The following SH3D19 variants were observed in gnomAD, a reference collection of about 807,000 sequenced individuals.
SH3D19 encodes the protein SH3 domain containing 19.
Under a neutral mutation model 112.1 loss-of-function variants are expected in SH3D19, and 58 were observed. The ratio of observed to expected loss-of-function variants is 0.52; its 90% confidence interval spans 0.42 to 0.64. The LOEUF is 0.64. Among genes scored for constraint, SH3D19 ranks in the 30% least tolerant of loss-of-function variants. The pLI is 0.00. For synonymous variants in SH3D19, 391 were observed against 448.5 expected, an observed-to-expected ratio of 0.87 and a Z score of 1.62; for missense variants, 1,090 against 1,263.4, an observed-to-expected ratio of 0.86 and a Z score of 2.08.
chr4:151,171,673 T>C (rs1759096031), intron 7 of SH3D19, among the ~76,000 whole-genome samples: 1 of 152,222 alleles, frequency 6.6e-6, no homozygotes, highest in Admixed American at 6.5e-5. Flanking sequence ...TCTAATAATA[T>C]GCTTGTCATC....
chr4:151,302,162 A>G (rs1728487281), intron 1 of SH3D19, among the ~76,000 whole-genome samples: 1 of 152,214 alleles, frequency 6.6e-6, no homozygotes. Flanking sequence ...GTCACTTCTG[A>G]GCATCGTTAT....
intron 1 of SH3D19, among the ~76,000 whole-genome samples, chr4:151,250,678 C>G (rs554088307): frequency 6.6e-6 from 1 of 152,280 alleles, no homozygotes; most frequent in Admixed American, 6.5e-5. Context: ...TTATGCCCAG[C>G]AGGCACCAGA....
intron 1 of SH3D19, among the ~76,000 whole-genome samples, chr4:151,229,874 C>T (rs1472224793): frequency 6.6e-6 from 1 of 152,154 alleles, no homozygotes; most frequent in Non-Finnish European, 1.5e-5. Flanking sequence ...AAAATCACGC[C>T]ACTGCATTCC....
chr4:151,124,011 C>A (rs986382947), intron 19 of SH3D19, among the ~76,000 whole-genome samples: 1 of 152,042 alleles, frequency 6.6e-6, no homozygotes, highest in Admixed American at 6.6e-5. Flanking sequence ...TAAATAAGTT[C>A]CTTCTGGTTC....
intron 4 of SH3D19, among the ~76,000 whole-genome samples, chr4:151,178,333 C>T (rs1267587267): frequency 1.3e-5 from 2 of 152,172 alleles, no homozygotes; most frequent in African/African-American, 4.8e-5. Flanking sequence ...ACCTGCTCTG[C>T]CTTTCTCTAG....
Position 151,175,418 on chromosome 4 carries a change from T to C in SH3D19, c.786A>G (p.Pro262=), listed in dbSNP as rs1238650646. 1.9e-6 allele frequency: 3 copies of C among 1,538,994 alleles called. No homozygotes were observed. The highest frequency in any genetic ancestry group is 1.7e-6 in the Non-Finnish European group (2 of 1,146,360). ...TGTCCAGCAGAGACTGGGGCCGGCC[T>C]GGGGATGACTCCTCTCCTACGGCTG... ...SPAAVGEESS[P]GRPQSLLDNA... The change falls in exon 7 of 20, where the codon CCA becomes CCG. Residue 262 remains proline, a synonymous_variant. Coordinates refer to ENST00000604030, the MANE Select transcript of SH3D19 (RefSeq NM_001378122.1).
chr4:151,301,744 T>A (rs1236979713), intron 1 of SH3D19, among the ~76,000 whole-genome samples: 2 of 152,122 alleles, frequency 1.3e-5, no homozygotes, highest in Admixed American at 1.3e-4. Flanking sequence ...TATTTCTGTA[T>A]AACAGGGTGA....
chr4:151,312,858 A>C (rs1442060422), intron 1 of SH3D19, among the ~76,000 whole-genome samples: 2 of 151,052 alleles, frequency 1.3e-5, no homozygotes, highest in Non-Finnish European at 3.0e-5. Flanking sequence ...CCAAGATTGC[A>C]CCACTGCACT....
intron 4 of SH3D19, among the ~76,000 whole-genome samples, chr4:151,179,057 C>A (rs139059374): frequency 6.6e-6 from 1 of 152,190 alleles, no homozygotes. Flanking sequence ...GCATGAGGTA[C>A]AAAGCATTTC....
At chr4:151,153,308 C>G (rs146921049) in intron 9 of SH3D19, among the ~76,000 whole-genome samples, 3 of 151,926 alleles carry the variant, frequency 2.0e-5, no homozygotes, top group African/African-American at 7.3e-5. Context: ...AGTACAGTGG[C>G]GCGATCTCGG....
At position 151,171,390 on chromosome 4, in the gene SH3D19, A is replaced by C. The variant is rs59616944; in HGVS notation, c.1534+3280T>G. Among the ~76,000 whole-genome samples, 373 of 152,330 alleles carry C rather than the reference A, an allele frequency of 2.4e-3. 1 individual carries two copies. The highest frequency in any genetic ancestry group is 8.7e-3 in the African/African-American group (361 of 41,584). On this transcript the variant is annotated intron_variant, in intron 7 of 19. Transcript: ENST00000604030. ...TGCTTCTACAGAAAAACAAAAAACA[A>C]AAAACACGGAGCATCTTAAGAAGAA...
At chr4:151,179,289 C>T in intron 4 of SH3D19, 66 bp downstream of exon 4, 1 of 895,322 alleles carries the variant, frequency 1.1e-6, no homozygotes, top group Non-Finnish European at 1.5e-6. Context: ...TAATTTGCTA[C>T]CTGATAACAC....
rs370345027 is a variant in SH3D19 at position 151,260,583 on chromosome 4, A to G, written c.113-34497T>C. Among the ~76,000 whole-genome samples, 34 of 152,332 alleles carry G rather than the reference A, an allele frequency of 2.2e-4. No individual in the cohort carries two copies. The East Asian group carries it at 6.6e-3, about 29-fold the overall frequency. On this transcript the variant is annotated intron_variant, in intron 1 of 19. Coordinates refer to ENST00000604030, the MANE Select transcript of SH3D19 (RefSeq NM_001378122.1). ...TAGTATAATAGGTTTTACTACCTTC[A>G]ATACACACCAAAAAATGACTTTTTA...
chr4:151,260,249 T>TA (rs2149987519), intron 1 of SH3D19, among the ~76,000 whole-genome samples: 1 of 152,304 alleles, frequency 6.6e-6, no homozygotes, highest in South Asian at 2.1e-4. Flanking sequence ...TCCCTTGGTT[T>TA]AAATGTCATA....
In SH3D19 at chr4:151,215,832, CT is replaced by C. The variant is rs112932689; in HGVS notation, c.152+10214del. Among the ~76,000 whole-genome samples, 543 of 145,140 alleles carry C rather than the reference CT, an allele frequency of 3.7e-3. 1 individual carries two copies. The highest frequency in any genetic ancestry group is 8.5e-3 in the East Asian group (43 of 5,054). On this transcript the variant is annotated intron_variant, in intron 2 of 19. Transcript: ENST00000604030. ...TTCTGGTTTCAGGAAAGGGTTTTAC[CT>C]TTTTTTTTTTTTGACGGAGTCTTGC...
intron 1 of SH3D19, chr4:151,261,546 G>A (rs1772378308): frequency 6.6e-6 from 1 of 152,248 alleles, no homozygotes. Context: ...ATTCCAATGT[G>A]AGGATACATT....
At chr4:151,181,893 G>C (rs1580000938) in intron 3 of SH3D19, among the ~76,000 whole-genome samples, 1 of 152,080 alleles carries the variant, frequency 6.6e-6, no homozygotes, top group Admixed American at 6.5e-5. Flanking sequence ...ATGATCCACA[G>C]ATTCAGAGAG....
chr4:151,187,418 C>T lies in SH3D19; in HGVS notation c.193+5G>A. The T allele has an allele frequency of 1.6e-6, 2 of 1,226,138 alleles. No individual in the cohort carries two copies. Among genetic ancestry groups the T allele is most frequent in the Non-Finnish European group, 2.0e-6 (2 of 982,516 alleles). The allele number at this position is 1,226,138 out of a possible 1,614,324, so 76.0% of individuals were successfully genotyped here. A position where few individuals can be genotyped will look rare whatever the true frequency, so the allele number is the denominator to read the frequency against. ...AAAATACAGAGAAGGAAAAAACAAA[C>T]TTACATCTCTTGATTACCGCTCTAA... is the stretch of plus-strand genomic sequence containing the variant. On this transcript the variant is annotated splice_donor_5th_base_variant and intron_variant, in intron 3 of 19. Transcript: ENST00000604030.
chr4:151,213,758 T>C (rs1766396913), intron 2 of SH3D19, among the ~76,000 whole-genome samples: 1 of 151,878 alleles, frequency 6.6e-6, no homozygotes, highest in Non-Finnish European at 1.5e-5. Flanking sequence ...TAGCTCACTG[T>C]AGCCTCAAAC....
Sources: gnomAD v4.1 joint callset for allele counts (sites outside exome capture counted in the v4.1 genomes callset) on GRCh38, gnomAD v4.1.1 for gene constraint, MANE v1.5 for transcripts, NCBI Gene and HGNC (gene_info 2026-07-23, HGNC 2026-07-21) for gene names.